MAMLD1: variants seen among roughly 807,000 people sequenced by gnomAD.
MAMLD1 encodes mastermind like domain containing 1.
A neutral mutation model predicts 45.0 loss-of-function variants in MAMLD1; 14 were observed. The observed-to-expected ratio is 0.31, with a 90% CI of 0.21 to 0.49. The LOEUF is 0.49. MAMLD1 is among the 20% of genes least tolerant of loss of function. The pLI is 0.99. For missense variants in MAMLD1, 543 were observed against 603.6 expected (o/e 0.90, Z 1.05); for synonymous variants, 254 against 247.8 (o/e 1.02, Z -0.24).
intron 1 of MAMLD1, among the ~76,000 whole-genome samples, chrX:150,377,819 TCACACACA>T (rs3066915): frequency 2.9e-4 from 27 of 91,841 alleles, no homozygotes; most frequent in East Asian, 6.9e-4. Flanking sequence ...TACCACCCCC[TCACACACA>T]CACACACACA....
chrX:150,414,198 T>C (rs1168679486), intron 1 of MAMLD1, among the ~76,000 whole-genome samples: 1 of 110,529 alleles, frequency 9.0e-6, no homozygotes, highest in African/African-American at 3.3e-5. Flanking sequence ...AGTGAGTGCT[T>C]AGAAAAGGAA....
chrX:150,448,042 G>A (rs1162549704), intron 2 of MAMLD1, among the ~76,000 whole-genome samples: 2 of 112,185 alleles, frequency 1.8e-5, no homozygotes, highest in African/African-American at 6.5e-5. Flanking sequence ...TCTTTTAGCA[G>A]TCCTTGAATT....
intron 2 of MAMLD1, among the ~76,000 whole-genome samples, chrX:150,457,788 A>T (rs781871120): frequency 1.8e-5 from 2 of 112,191 alleles, no homozygotes; most frequent in East Asian, 5.6e-4. Flanking sequence ...ATAGAGACAG[A>T]GGGTAGATAA....
chrX:150,499,869 A>T (rs1186828195), intron 5 of MAMLD1, among the ~76,000 whole-genome samples: 1 of 111,814 alleles, frequency 8.9e-6, no homozygotes, highest in Non-Finnish European at 1.9e-5. Flanking sequence ...TTATAAACCC[A>T]CCAGCATTGA....
chrX:150,506,665 G>C (rs1469177939), intron 6 of MAMLD1, among the ~76,000 whole-genome samples: 3 of 112,521 alleles, frequency 2.7e-5, no homozygotes, highest in African/African-American at 9.7e-5. Context: ...GGTTGAATTG[G>C]TAATGAGATC....
chrX:150,509,912 T>G, intron 6 of MAMLD1, 50 bp from the exon 7 acceptor site: 3 of 921,403 alleles, frequency 3.3e-6, no homozygotes, highest in Non-Finnish European at 4.8e-6. Flanking sequence ...CTAAGGCTAA[T>G]TATTAATTGG....
intron 1 of MAMLD1, among the ~76,000 whole-genome samples, chrX:150,371,430 C>T (rs1458274180): frequency 9.0e-6 from 1 of 110,581 alleles, no homozygotes; most frequent in African/African-American, 3.3e-5. Context: ...GACACTAGAC[C>T]ACAGGGACAG....
chrX:150,421,962 T>C (rs2034531248), intron 1 of MAMLD1, among the ~76,000 whole-genome samples: 1 of 112,240 alleles, frequency 8.9e-6, no homozygotes, highest in African/African-American at 3.2e-5. Flanking sequence ...GGCTGGGGAA[T>C]TGTAATCGGT....
In MAMLD1 at chrX:150,382,899, TTA is replaced by T. The variant is rs1175767053; in HGVS notation, c.-64+19371_-64+19372del. 2.5e-3 allele frequency among the ~76,000 whole-genome samples: 84 copies of T among 34,282 alleles called. 15 individuals carry two copies. The highest frequency in any genetic ancestry group is 3.9e-3 in the Admixed American group (15 of 3,799). The allele number at this position is 34,282 out of a possible 115,157, so 29.8% of individuals were successfully genotyped here. ...CATTTTATTTTATTTTTTTTTTTTT[TTA>T]TTTTTTATTTTTTTTTTTTTTGAGA... On this transcript the variant is annotated intron_variant, in intron 1 of 7. Coordinates refer to ENST00000370401, the MANE Select transcript of MAMLD1 (RefSeq NM_005491.5).
At chrX:150,476,314 C>T (rs782624945) in intron 5 of MAMLD1, among the ~76,000 whole-genome samples, 1 of 112,438 alleles carries the variant, frequency 8.9e-6, no homozygotes, top group Non-Finnish European at 1.9e-5. Context: ...TCTGATGTCC[C>T]TTCTCCCTGC....
chrX:150,474,990 G>C (rs2148308555), intron 5 of MAMLD1, among the ~76,000 whole-genome samples: 1 of 112,114 alleles, frequency 8.9e-6, no homozygotes, highest in African/African-American at 3.2e-5. Flanking sequence ...GACCGCTGTA[G>C]AAGGACAGAT....
chrX:150,490,054 G>A (rs1431370195), intron 5 of MAMLD1, among the ~76,000 whole-genome samples: 1 of 112,143 alleles, frequency 8.9e-6, no homozygotes, highest in African/African-American at 3.2e-5. Flanking sequence ...ACCATGTTCA[G>A]TCATTGGCCG....
intron 1 of MAMLD1, among the ~76,000 whole-genome samples, chrX:150,373,445 G>A (rs2032132781): frequency 1.1e-5 from 1 of 95,146 alleles, no homozygotes; most frequent in African/African-American, 3.9e-5. Context: ...TCAGGTGGTT[G>A]TGAAGAGCTC....
intron 1 of MAMLD1, among the ~76,000 whole-genome samples, chrX:150,370,976 A>G (rs2031937673): frequency 9.0e-6 from 1 of 111,288 alleles, no homozygotes; most frequent in Non-Finnish European, 1.9e-5. Context: ...CCTTGCCCAG[A>G]TTGGCTATCT....
intron 5 of MAMLD1, among the ~76,000 whole-genome samples, chrX:150,482,675 G>C (rs1557407393): frequency 8.9e-6 from 1 of 112,371 alleles, no homozygotes; most frequent in Admixed American, 9.4e-5. Context: ...TCCCTGGTAA[G>C]AGCAGTATTT....
intron 1 of MAMLD1, among the ~76,000 whole-genome samples, chrX:150,423,573 C>T (rs2034601823): frequency 9.2e-6 from 1 of 109,172 alleles, no homozygotes; most frequent in African/African-American, 3.4e-5. Flanking sequence ...CCCTTTTCCT[C>T]CAGGGCTTCT....
At chrX:150,476,229 C>T (rs1557406858) in intron 5 of MAMLD1, among the ~76,000 whole-genome samples, 1 of 111,419 alleles carries the variant, frequency 9.0e-6, no homozygotes, top group Non-Finnish European at 1.9e-5. Flanking sequence ...ACTGAATTCC[C>T]CACCCTCCCT....
chrX:150,417,808 C>G (rs1348173385), intron 1 of MAMLD1, among the ~76,000 whole-genome samples: 3 of 109,597 alleles, frequency 2.7e-5, no homozygotes, highest in Non-Finnish European at 5.7e-5. Flanking sequence ...TAAATGTCTT[C>G]TTTTGAGAAG....
chrX:150,383,388 T>C (rs1324317747), intron 1 of MAMLD1, among the ~76,000 whole-genome samples: 2 of 111,645 alleles, frequency 1.8e-5, no homozygotes, highest in Non-Finnish European at 3.8e-5. Flanking sequence ...TGGATTTTAA[T>C]AGGTCACAGG....
Sources: gnomAD v4.1 joint callset for allele counts (sites outside exome capture counted in the v4.1 genomes callset) on GRCh38, gnomAD v4.1.1 for gene constraint, MANE v1.5 for transcripts, NCBI Gene and HGNC (gene_info 2026-07-23, HGNC 2026-07-21) for gene names.